The following WWP2 variants were observed in gnomAD, a reference collection of about 807,000 sequenced individuals.
WWP2 encodes the protein NEDD4-like E3 ubiquitin-protein ligase WWP2.
A neutral mutation model predicts 121.0 loss-of-function variants in WWP2; 57 were observed. The ratio of observed to expected loss-of-function variants is 0.47; its 90% CI spans 0.38 to 0.59. The LOEUF (loss-of-function observed/expected upper bound fraction) is 0.59, where lower values mean the gene tolerates loss of function less well. Among genes scored for constraint, WWP2 ranks in the 20% least tolerant of loss-of-function variants. The pLI is 0.00. For synonymous variants in WWP2, 449 were observed against 441.3 expected (o/e 1.02, Z -0.22); for missense variants, 962 against 1,158.9 (o/e 0.83, Z 2.47).
intron 4 of WWP2, among the ~76,000 whole-genome samples, chr16:69,825,353 G>A (rs895391271): frequency 4.6e-5 from 7 of 151,614 alleles, no homozygotes; most frequent in Non-Finnish European, 4.4e-5. Context: ...GAACCCAGGA[G>A]GCAGAGGTTG....
Position 69,935,960 on chromosome 16 carries a change from G to A in WWP2, c.1950G>A (p.Glu650=), listed in dbSNP as rs201938968. The change falls in exon 18 of 24, where the codon GAG becomes GAA. Residue 650 remains glutamate, a synonymous_variant. Coordinates refer to ENST00000359154, the MANE Select transcript of WWP2 (RefSeq NM_001270454.2). The surrounding 1 kb of genome is among the most constrained non-coding windows in gnomAD (Gnocchi z 5.2). ...TLKDLESIDP[E]FYNSIVWIKE... Reference sequence around the variant, plus strand: ...AAGACCTGGAGTCCATTGACCCTGAGTTCTACAACTCCATTGTCTGGATCA... The same window carrying A: ...AAGACCTGGAGTCCATTGACCCTGAATTCTACAACTCCATTGTCTGGATCA... 4 of 1,614,074 alleles carry A rather than the reference G, an allele frequency of 2.5e-6. No homozygotes were observed. The highest frequency in any genetic ancestry group is 1.6e-4 in the Middle Eastern group (1 of 6,062).
chr16:69,892,530 C>A (rs2058045528), intron 8 of WWP2, among the ~76,000 whole-genome samples: 1 of 152,134 alleles, frequency 6.6e-6, no homozygotes, highest in South Asian at 2.1e-4. Context: ...CTTTCCCAAT[C>A]TATTTTAACT....
chr16:69,923,459 A>G (rs1188341908), intron 10 of WWP2, among the ~76,000 whole-genome samples: 1 of 152,200 alleles, frequency 6.6e-6, no homozygotes, highest in Non-Finnish European at 1.5e-5. Flanking sequence ...AGGGCTGATC[A>G]GTATTTTCTG....
intron 4 of WWP2, among the ~76,000 whole-genome samples, chr16:69,835,341 A>G (rs754461753): frequency 7.2e-5 from 11 of 152,186 alleles, no homozygotes; most frequent in Non-Finnish European, 1.3e-4. Context: ...CTGTCACTCA[A>G]TTAGCTAATG....
intron 8 of WWP2, among the ~76,000 whole-genome samples, chr16:69,900,810 CACCG>C (rs1221504867): frequency 7.9e-5 from 12 of 152,142 alleles, no homozygotes; most frequent in African/African-American, 2.7e-4. Context: ...AGGCGTGAGT[CACCG>C]TGCCTGGCTA....
intron 10 of WWP2, among the ~76,000 whole-genome samples, chr16:69,921,363 G>T (rs566398654): frequency 6.6e-6 from 1 of 152,302 alleles, no homozygotes; most frequent in African/African-American, 2.4e-5. Context: ...ACTAGCTAGC[G>T]GCCTCCCCTC....
intron 7 of WWP2, among the ~76,000 whole-genome samples, chr16:69,883,747 G>C (rs185631993): frequency 2.3e-4 from 35 of 152,112 alleles, no homozygotes; most frequent in Admixed American, 2.1e-3. Context: ...TGCAAAAACT[G>C]TTAAACAGAA....
At chr16:69,921,775 T>C (rs1018937831) in intron 10 of WWP2, among the ~76,000 whole-genome samples, 3 of 152,098 alleles carry the variant, frequency 2.0e-5, no homozygotes, top group Non-Finnish European at 2.9e-5. Flanking sequence ...CTCTGCAGTA[T>C]TGAAACAGAT....
intron 4 of WWP2, among the ~76,000 whole-genome samples, chr16:69,835,804 AT>A (rs34492692): frequency 1.2e-3 from 171 of 142,366 alleles, no homozygotes; most frequent in Non-Finnish European, 1.1e-3. Context: ...ACCAAAGTAA[AT>A]TTTTTTTTTT....
chr16:69,936,489 G>T (rs762575973), intron 19 of WWP2, 37 bp downstream of exon 19: 36 of 1,612,274 alleles, frequency 2.2e-5, no homozygotes, highest in Non-Finnish European at 2.8e-5. Context: ...CTCCAGGGGT[G>T]GCGTGGAGAT....
At chr16:69,923,341 G>C (rs1196484334) in intron 10 of WWP2, among the ~76,000 whole-genome samples, 1 of 150,700 alleles carries the variant, frequency 6.6e-6, no homozygotes, top group Non-Finnish European at 1.5e-5. Flanking sequence ...CGTTCTGATA[G>C]AATAACAAAC....
intron 2 of WWP2, among the ~76,000 whole-genome samples, chr16:69,796,244 G>A (rs2056041787): frequency 1.3e-5 from 2 of 152,176 alleles, no homozygotes; most frequent in Non-Finnish European, 2.9e-5. Flanking sequence ...GAAAAAGTGT[G>A]TATGTGTATG....
chr16:69,788,586 C>T (rs1436484261), intron 2 of WWP2, among the ~76,000 whole-genome samples: 1 of 152,178 alleles, frequency 6.6e-6, no homozygotes, highest in South Asian at 2.1e-4. Flanking sequence ...TTTCCTTAGG[C>T]GTTTTCTCAA....
At chr16:69,767,243 T>C (rs1229677361) in intron 1 of WWP2, among the ~76,000 whole-genome samples, 1 of 152,156 alleles carries the variant, frequency 6.6e-6, no homozygotes, top group African/African-American at 2.4e-5. Flanking sequence ...TTGAAATATG[T>C]ATTGGTTTTT....
intron 1 of WWP2, among the ~76,000 whole-genome samples, chr16:69,784,505 A>G (rs1464605536): frequency 1.3e-5 from 2 of 152,214 alleles, no homozygotes; most frequent in East Asian, 1.9e-4. Flanking sequence ...GCTAGCACCA[A>G]TTGGGCTGTT....
chr16:69,913,373 A>G (rs2058430334), intron 9 of WWP2, among the ~76,000 whole-genome samples: 1 of 151,714 alleles, frequency 6.6e-6, no homozygotes, highest in Non-Finnish European at 1.5e-5. Flanking sequence ...GTGGTGGTGT[A>G]TGCCTGTGTT....
chr16:69,889,929 T>C (rs1199629176), intron 8 of WWP2, among the ~76,000 whole-genome samples: 1 of 152,188 alleles, frequency 6.6e-6, no homozygotes, highest in Non-Finnish European at 1.5e-5. Flanking sequence ...ATCCCATCTC[T>C]TTATTCTATT....
At chr16:69,862,110 G>A (rs142699195) in intron 6 of WWP2, among the ~76,000 whole-genome samples, 1,828 of 152,234 alleles carry the variant, frequency 0.012, 37 homozygotes, top group African/African-American at 0.041. Context: ...TTGTTGCCCC[G>A]GCTGGAGTGC....
At chr16:69,770,058 C>T (rs935825595) in intron 1 of WWP2, among the ~76,000 whole-genome samples, 6 of 152,136 alleles carry the variant, frequency 3.9e-5, no homozygotes, top group Admixed American at 1.3e-4. Flanking sequence ...GATGGGATTT[C>T]GCCGTGTTGG....
Sources: allele counts gnomAD v4.1 joint callset (sites outside exome capture counted in the v4.1 genomes callset), GRCh38; gene constraint gnomAD v4.1.1; non-coding constraint Gnocchi (gnomAD v3.1); transcripts MANE v1.5; gene names NCBI Gene and HGNC (gene_info 2026-07-23, HGNC 2026-07-21).